C4BPB: variants seen among roughly 807,000 people sequenced by gnomAD.
The protein encoded by C4BPB is C4b-binding protein beta chain.
Under a neutral mutation model 26.6 loss-of-function variants are expected in C4BPB, and 19 were observed. That is an observed-to-expected ratio of 0.71 (90% CI 0.50 to 1.05). The LOEUF is 1.05. C4BPB is among the 50% of genes least tolerant of loss of function. C4BPB has a pLI of 0.00. For missense variants in C4BPB, 282 were observed against 302.9 expected (o/e 0.93, Z 0.51); for synonymous variants, 118 against 103.5 (o/e 1.14, Z -0.85).
At chr1:207,092,832 G>A (rs1684089754) in intron 4 of C4BPB, among the ~76,000 whole-genome samples, 4 of 151,816 alleles carry the variant, frequency 2.6e-5, no homozygotes, top group South Asian at 4.2e-4. Context: ...TCACCATCTT[G>A]GCCAGACTGG....
In C4BPB at chr1:207,091,793, G is replaced by C. The variant is rs1373773393; in HGVS notation, c.382G>C (p.Ala128Pro). ...RSQCLEDHTWAPPFPICKSRD... is the reference protein window; with the variant it reads ...RSQCLEDHTWPPPFPICKSRD... Reference sequence around the variant, plus strand: ...CCAGTGTCTAGAGGACCACACCTGGGCACCTCCCTTTCCCATCTGCAAAAG... The same window carrying C: ...CCAGTGTCTAGAGGACCACACCTGGCCACCTCCCTTTCCCATCTGCAAAAG... Residue 128 changes from alanine (A) to proline (P), a missense_variant, in exon 4 of 7, where the codon GCA becomes CCA. Ala to Pro is a conservative substitution (Grantham distance 27, BLOSUM62 -1). Transcript: ENST00000367078. 6.2e-7 allele frequency: 1 copy of C among 1,613,554 alleles called. No individual in the cohort carries two copies. The highest frequency in any genetic ancestry group is 8.5e-7 in the Non-Finnish European group (1 of 1,179,834).
chr1:207,089,330 C>T (rs1267836286), intron 1 of C4BPB, 152 bp from the exon 2 acceptor site: 1 of 521,256 alleles, frequency 1.9e-6, no homozygotes, highest in Non-Finnish European at 3.4e-6. Flanking sequence ...CTCCCTATAC[C>T]AGCTTCCTTA....
At chr1:207,095,713 T>C (rs1173134133) in intron 4 of C4BPB, 1 of 327,418 alleles carries the variant, frequency 3.1e-6, no homozygotes, top group Admixed American at 4.5e-5. Context: ...ATCTCCAGTG[T>C]TGGAGGTGGT....
chr1:207,090,521 C>T (rs761920632), intron 3 of C4BPB, 40 bp downstream of exon 3: 1 of 1,525,790 alleles, frequency 6.6e-7, no homozygotes, highest in Non-Finnish European at 8.9e-7. Flanking sequence ...ATATTGATAT[C>T]CTGTTTTACT....
intron 4 of C4BPB, among the ~76,000 whole-genome samples, chr1:207,094,475 A>C (rs1387460126): frequency 6.6e-6 from 1 of 152,208 alleles, no homozygotes; most frequent in Non-Finnish European, 1.5e-5. Flanking sequence ...CATTAGCTTG[A>C]CACAAGTTTA....
intron 5 of C4BPB, among the ~76,000 whole-genome samples, chr1:207,096,838 C>A (rs1684272633): frequency 6.6e-6 from 1 of 152,196 alleles, no homozygotes; most frequent in Non-Finnish European, 1.5e-5. Context: ...ATGCAAGTAT[C>A]TCTTTTTCCT....
chr1:207,096,649 T>G, intron 5 of C4BPB, 34 bp downstream of exon 5: 1 of 1,243,938 alleles, frequency 8.0e-7, no homozygotes, highest in East Asian at 2.3e-5. Context: ...TGCCAGATCT[T>G]GCCCCTTGGC....
In C4BPB at chr1:207,090,338, A is replaced by T; in HGVS notation, c.89A>T (p.Asp30Val). The T allele has an allele frequency of 3.7e-6, 6 of 1,613,692 alleles. No homozygotes were observed. Among genetic ancestry groups the T allele is most frequent in the Non-Finnish European group, 5.1e-6 (6 of 1,179,844 alleles). ...CACTGTCCAGAGCTTCCTCCAGTGGACAATAGCATATTTGTCGCAAAGGAG... is the reference window on the plus strand; with the variant it reads ...CACTGTCCAGAGCTTCCTCCAGTGGTCAATAGCATATTTGTCGCAAAGGAG... ...AEHCPELPPV[D>V]NSIFVAKEVE... is the part of the protein sequence containing the mutation. The change falls in exon 3 of 7, where the codon GAC becomes GTC. Residue 30 changes from aspartate (D) to valine (V), a missense_variant. Transcript: ENST00000367078.
rs1643480032 is a variant in C4BPB at position 207,096,449 on chromosome 1, C to A, written c.410-73C>A. On this transcript the variant is annotated intron_variant, in intron 4 of 6. Coordinates refer to ENST00000367078, the MANE Select transcript of C4BPB (RefSeq NM_001017365.3). ...GGCTGTCAGGTGCTGGCATAAACAG[C>A]TGCAATTAGGGGTGCTGTTCATTGA... is the stretch of plus-strand genomic sequence containing the variant. The A allele has an allele frequency of 2.7e-5, 24 of 889,096 alleles. No homozygotes were observed. In the South Asian group the frequency reaches 3.0e-4, roughly 11 times the overall value. 55.1% of individuals were successfully genotyped at this position (889,096 alleles called of 1,614,324 possible). A position where few individuals can be genotyped will look rare whatever the true frequency, so the allele number is the denominator to read the frequency against.
At chr1:207,095,376 G>T in intron 4 of C4BPB, 1 of 456,548 alleles carries the variant, frequency 2.2e-6, no homozygotes, top group South Asian at 1.5e-5. Flanking sequence ...TGTTTCCCAG[G>T]CTGGAGTGCA....
At chr1:207,098,967 TG>T (rs930978989) in intron 6 of C4BPB, among the ~76,000 whole-genome samples, 1 of 151,952 alleles carries the variant, frequency 6.6e-6, no homozygotes, top group African/African-American at 2.4e-5. Flanking sequence ...GAATCTCATC[TG>T]GGAGTGATGG....
chr1:207,089,634 CT>C lies in C4BPB; in HGVS notation c.58+49del, dbSNP rs779133566. On this transcript the variant is annotated intron_variant, in intron 2 of 6. Transcript: ENST00000367078. ...ACTCAGCTTACAGGCATTTGGTGTC[CT>C]TTTGCGGTGTTTTGAGGAACTCTGT... 7.8e-6 allele frequency: 12 copies of C among 1,548,072 alleles called. No individual in the cohort carries two copies. The African/African-American group carries it at 1.5e-4, about 19-fold the overall frequency.
At chr1:207,096,405 G>T in intron 4 of C4BPB, 117 bp from the exon 5 acceptor site, 2 of 712,712 alleles carry the variant, frequency 2.8e-6, no homozygotes, top group African/African-American at 1.8e-5. Flanking sequence ...GTCAGGTGCT[G>T]GCGCAGGTGT....
chr1:207,096,106 G>A (rs1684239665), intron 4 of C4BPB: 1 of 229,318 alleles, frequency 4.4e-6, no homozygotes, highest in Non-Finnish European at 8.6e-6. Context: ...ATCCACAGGG[G>A]ATGTCAGCTT....
At chr1:207,095,303 G>A (rs912069179) in intron 4 of C4BPB, 8 of 456,370 alleles carry the variant, frequency 1.8e-5, no homozygotes, top group East Asian at 1.4e-4. Flanking sequence ...CCACAGACTC[G>A]TCCTCTTCCC....
At chr1:207,090,268 C>T (rs1468890758) in intron 2 of C4BPB, 40 bp from the exon 3 acceptor site, 5 of 1,523,274 alleles carry the variant, frequency 3.3e-6, no homozygotes, top group Non-Finnish European at 4.5e-6. Flanking sequence ...TCTGACAGCA[C>T]ATGATATGCC....
At chr1:207,098,313 C>A in intron 6 of C4BPB, 49 bp downstream of exon 6, 1 of 1,110,840 alleles carries the variant, frequency 9.0e-7, no homozygotes, top group Non-Finnish European at 1.4e-6. Flanking sequence ...ATCTCCAGGG[C>A]CTGGCATCAC....
chr1:207,091,509 G>A (rs1266135066), intron 3 of C4BPB, 135 bp from the exon 4 acceptor site: 7 of 649,622 alleles, frequency 1.1e-5, no homozygotes, highest in South Asian at 2.0e-5. Flanking sequence ...GTAGTACCAT[G>A]TACTTCACTC....
intron 4 of C4BPB, among the ~76,000 whole-genome samples, chr1:207,094,066 A>G (rs1684149315): frequency 1.3e-5 from 2 of 152,248 alleles, no homozygotes; most frequent in African/African-American, 4.8e-5. Flanking sequence ...TCAGATTAGC[A>G]AAAAATGAAA....
Sources: gnomAD v4.1 joint callset for allele counts (sites outside exome capture counted in the v4.1 genomes callset) on GRCh38, gnomAD v4.1.1 for gene constraint, MANE v1.5 for transcripts, NCBI Gene and HGNC (gene_info 2026-07-23, HGNC 2026-07-21) for gene names.